Variants in PICALM observed in about 807,000 individuals in gnomAD.
PICALM encodes the protein phosphatidylinositol binding clathrin assembly protein.
In PICALM, 40 loss-of-function variants were observed where a neutral mutation model predicts 80.5. The ratio of observed to expected loss-of-function variants is 0.50; its 90% CI spans 0.39 to 0.65. The LOEUF is 0.65. Ranked by LOEUF, PICALM falls within the 30% of genes least tolerant of loss-of-function variation. PICALM has a pLI of 0.00. For synonymous variants in PICALM, 288 were observed against 260.3 expected (o/e 1.11, Z -1.02); for missense variants, 676 against 778.9 (o/e 0.87, Z 1.57).
intron 8 of PICALM, among the ~76,000 whole-genome samples, chr11:86,005,705 T>C (rs2095261420): frequency 6.6e-6 from 1 of 151,666 alleles, no homozygotes; most frequent in African/African-American, 2.4e-5. Context: ...AGCCTATCTT[T>C]TCTCTCCCTC....
At chr11:86,031,843 A>G (rs1468056263) in intron 1 of PICALM, among the ~76,000 whole-genome samples, 2 of 152,158 alleles carry the variant, frequency 1.3e-5, no homozygotes, top group African/African-American at 2.4e-5. Context: ...AAATAAATCA[A>G]ACTCCCTCAG....
At chr11:86,036,871 G>A (rs1308641513) in intron 1 of PICALM, among the ~76,000 whole-genome samples, 2 of 150,260 alleles carry the variant, frequency 1.3e-5, no homozygotes, top group Non-Finnish European at 2.9e-5. Context: ...GAAGGCCGAG[G>A]TAGGATGACT....
chr11:86,068,515 G>C lies in PICALM; in HGVS notation c.130+136C>G, dbSNP rs2096479930. Reference sequence around the variant, plus strand: ...GAAGCAAAAGAACACAGCTCAACGGGCACAGGACCGGCCGTGCCAGAGAAG... The same window carrying C: ...GAAGCAAAAGAACACAGCTCAACGGCCACAGGACCGGCCGTGCCAGAGAAG... On this transcript the variant is annotated intron_variant, in intron 1 of 19. Transcript: ENST00000393346. 15 of 769,806 alleles carry C rather than the reference G, an allele frequency of 1.9e-5. No individual in the cohort carries two copies. In the Admixed American group the frequency reaches 3.8e-4, roughly 20 times the overall value. The allele number at this position is 769,806 out of a possible 1,614,324, so 47.7% of individuals were successfully genotyped here.
At chr11:85,993,364 G>C (rs1387476862) in intron 12 of PICALM, among the ~76,000 whole-genome samples, 1 of 152,062 alleles carries the variant, frequency 6.6e-6, no homozygotes, top group Non-Finnish European at 1.5e-5. Context: ...GGGATTACAA[G>C]TGTGAGCCAC....
Position 85,957,641 on chromosome 11 carries a change from GA to G in PICALM, c.*1404del. The stretch of plus-strand genomic sequence containing the variant: ...CAATATTGATAATAAAAAGAGAAAG[GA>G]AAAATGAAAATGCATCTCAGACCAG... On this transcript the variant is annotated 3_prime_UTR_variant, in exon 20 of 20. Coordinates refer to ENST00000393346, the MANE Select transcript of PICALM (RefSeq NM_007166.4). 5.1e-6 allele frequency: 1 copy of G among 194,654 alleles called. No homozygotes were observed. The highest frequency in any genetic ancestry group is 8.2e-5 in the East Asian group (1 of 12,256). The allele number at this position is 194,654 out of a possible 1,614,324, so 12.1% of individuals were successfully genotyped here.
chr11:85,981,640 T>A, intron 16 of PICALM, 105 bp downstream of exon 16: 1 of 777,830 alleles, frequency 1.3e-6, no homozygotes, highest in Non-Finnish European at 2.2e-6. Flanking sequence ...ACTTGATATC[T>A]CTACACATAT....
intron 1 of PICALM, among the ~76,000 whole-genome samples, chr11:86,036,984 G>A (rs947649970): frequency 3.3e-5 from 5 of 149,462 alleles, no homozygotes; most frequent in African/African-American, 1.2e-4. Context: ...GTCTTGCTCT[G>A]TAGCCAGGCT....
chr11:86,022,882 C>T (rs1021061377), intron 3 of PICALM, among the ~76,000 whole-genome samples: 1 of 152,078 alleles, frequency 6.6e-6, no homozygotes, highest in Non-Finnish European at 1.5e-5. Flanking sequence ...CTCCTAAAAT[C>T]TTTAGCTGTA....
At chr11:86,055,322 C>T (rs1373014075) in intron 1 of PICALM, among the ~76,000 whole-genome samples, 1 of 148,374 alleles carries the variant, frequency 6.7e-6, no homozygotes, top group South Asian at 2.1e-4. Flanking sequence ...AGCAAAACTC[C>T]GTCTCAAAAA....
rs1338096682 is a variant in PICALM at position 85,987,802 on chromosome 11, A to G, written c.1408+2448T>C. On this transcript the variant is annotated intron_variant, in intron 13 of 19. Coordinates refer to ENST00000393346, the MANE Select transcript of PICALM (RefSeq NM_007166.4). The stretch of plus-strand genomic sequence containing the variant: ...ATGGTTTTTAGTAGTAGTCATTTTG[A>G]TACTTTTATATACCTAGCAAAGTGC... Among the ~76,000 whole-genome samples the G allele has an allele frequency of 3.9e-5, 6 of 152,202 alleles. 1 individual carries two copies. The South Asian group carries it at 1.2e-3, about 32-fold the overall frequency.
chr11:86,044,967 T>C (rs1001021054), intron 1 of PICALM, among the ~76,000 whole-genome samples: 4 of 152,220 alleles, frequency 2.6e-5, no homozygotes, highest in Admixed American at 2.6e-4. Context: ...TTGGGGACCG[T>C]TGCTGTAAGC....
chr11:85,970,388 T>TA (rs1205238449), intron 19 of PICALM, among the ~76,000 whole-genome samples: 1 of 152,218 alleles, frequency 6.6e-6, no homozygotes, highest in African/African-American at 2.4e-5. Flanking sequence ...TTGAGAATTG[T>TA]AAAAGCATGG....
chr11:85,967,555 G>A (rs971009097), intron 19 of PICALM, among the ~76,000 whole-genome samples: 11 of 152,254 alleles, frequency 7.2e-5, no homozygotes, highest in African/African-American at 2.2e-4. Flanking sequence ...CAATCCCCAA[G>A]GAAACGTCCC....
At chr11:86,019,989 G>C (rs192241150) in intron 4 of PICALM, among the ~76,000 whole-genome samples, 4 of 152,024 alleles carry the variant, frequency 2.6e-5, no homozygotes, top group Non-Finnish European at 5.9e-5. Flanking sequence ...AAGGGTCATC[G>C]CTGCTGCTAA....
At chr11:86,042,300 G>A (rs1593262782) in intron 1 of PICALM, among the ~76,000 whole-genome samples, 1 of 151,776 alleles carries the variant, frequency 6.6e-6, no homozygotes, top group Non-Finnish European at 1.5e-5. Flanking sequence ...CCATCTCAAA[G>A]ATTTATTACT....
In PICALM at chr11:85,958,585, G is replaced by A. The variant is rs1376238929; in HGVS notation, c.*461C>T. 9.0e-6 allele frequency: 2 copies of A among 222,240 alleles called. No individual in the cohort carries two copies. Among genetic ancestry groups the A allele is most frequent in the Non-Finnish European group, 1.8e-5 (2 of 111,394 alleles). The allele number at this position is 222,240 out of a possible 1,614,324, so 13.8% of individuals were successfully genotyped here. On this transcript the variant is annotated 3_prime_UTR_variant, in exon 20 of 20. Transcript: ENST00000393346. ...AAAGTTAATTTCAGTTATTGTTTCT[G>A]TATTTGTGAGGACTGGAGAAAAGAA...
chr11:86,037,032 G>A (rs1593196205), intron 1 of PICALM, among the ~76,000 whole-genome samples: 1 of 150,400 alleles, frequency 6.6e-6, no homozygotes, highest in African/African-American at 2.5e-5. Context: ...TGCAACCTCC[G>A]CCTCCCAGGT....
intron 1 of PICALM, among the ~76,000 whole-genome samples, chr11:86,044,133 G>A (rs532917188): frequency 6.6e-6 from 1 of 152,190 alleles, no homozygotes; most frequent in Non-Finnish European, 1.5e-5. Context: ...ATACTAATGG[G>A]AGGAATGTAA....
Position 86,000,702 on chromosome 11 carries a change from T to G in PICALM, c.1095A>C (p.Ala365=), listed in dbSNP as rs756164808. 7.4e-6 allele frequency: 12 copies of G among 1,612,496 alleles called. No individual in the cohort carries two copies. The African/African-American group carries it at 1.6e-4, about 22-fold the overall frequency. Residue 365 remains alanine (A), a synonymous_variant, in exon 11 of 20, where the codon GCA becomes GCC. Coordinates refer to ENST00000393346, the MANE Select transcript of PICALM (RefSeq NM_007166.4). ...TTAASPVSTS[A]GGIMTAPAID... is the part of the protein sequence containing the mutation. ...TGGCTGGTGCAGTCATTATCCCTCC[T>G]GCTGAGGTGGATACAGGAGAGGCTG...
Sources: allele counts gnomAD v4.1 joint callset (sites outside exome capture counted in the v4.1 genomes callset), GRCh38; gene constraint gnomAD v4.1.1; transcripts MANE v1.5; gene names NCBI Gene and HGNC (gene_info 2026-07-23, HGNC 2026-07-21).